The following SLC2A9 variants were observed in gnomAD, a reference collection of about 807,000 sequenced individuals.
The protein encoded by SLC2A9 is solute carrier family 2 member 9.
Under a neutral mutation model 50.6 loss-of-function variants are expected in SLC2A9, and 39 were observed. The observed-to-expected ratio is 0.77, with a 90% CI of 0.60 to 1.01. The LOEUF (loss-of-function observed/expected upper bound fraction) is 1.01, where lower values mean the gene tolerates loss of function less well. SLC2A9 is among the 50% of genes least tolerant of loss of function. The pLI, the probability that SLC2A9 is intolerant of heterozygous loss-of-function variation, is 0.00. For missense variants in SLC2A9, 686 were observed against 677.6 expected, an observed-to-expected ratio of 1.01 and a Z score of -0.14; for synonymous variants, 324 against 276.9, an observed-to-expected ratio of 1.17 and a Z score of -1.69.
chr4:9,988,040 G>T (rs770239444), intron 3 of SLC2A9, among the ~76,000 whole-genome samples: 1 of 152,236 alleles, frequency 6.6e-6, no homozygotes, highest in Non-Finnish European at 1.5e-5. Context: ...AATGACACCG[G>T]CTAATACTTG....
At chr4:9,837,486 T>C (rs749668883) in intron 10 of SLC2A9, among the ~76,000 whole-genome samples, 2 of 152,194 alleles carry the variant, frequency 1.3e-5, no homozygotes, top group African/African-American at 2.4e-5. Flanking sequence ...CCTAGGTGTG[T>C]TTTTGGAAGC....
At chr4:9,812,120 C>T (rs1435213994) in intron 3 of SLC2A9, among the ~76,000 whole-genome samples, 1 of 152,190 alleles carries the variant, frequency 6.6e-6, no homozygotes, top group Non-Finnish European at 1.5e-5. Context: ...TGTGTTATTA[C>T]ATGCAACTCG....
At chr4:9,955,192 AC>A (rs939913407) in intron 5 of SLC2A9, among the ~76,000 whole-genome samples, 11 of 151,992 alleles carry the variant, frequency 7.2e-5, no homozygotes, top group Non-Finnish European at 1.5e-4. Flanking sequence ...TGGAAGCATA[AC>A]ATATAAAACT....
At chr4:9,773,992 C>CTTTTT (rs34429694) in intron 1 of SLC2A9, among the ~76,000 whole-genome samples, 1 of 139,778 alleles carries the variant, frequency 7.2e-6, no homozygotes, top group Non-Finnish European at 1.5e-5. Flanking sequence ...GAAACTCAGT[C>CTTTTT]TTTTTTTTTT....
In SLC2A9 at chr4:9,949,045, C is replaced by T. The variant is rs570365962; in HGVS notation, c.682-7000G>A. Among the ~76,000 whole-genome samples, 184 of 152,332 alleles carry T rather than the reference C, an allele frequency of 1.2e-3. 3 individuals carry two copies. Among genetic ancestry groups the T allele is most frequent in the Non-Finnish European group, 3.8e-4 (26 of 68,026 alleles). ...GCTCCTAGGCCATTTTAGCAAGAACCCCTTTCTGCAGCACATCTATCTACT... is the reference window on the plus strand; with the variant it reads ...GCTCCTAGGCCATTTTAGCAAGAACTCCTTTCTGCAGCACATCTATCTACT... On this transcript the variant is annotated intron_variant, in intron 5 of 11. Coordinates refer to ENST00000264784, the MANE Select transcript of SLC2A9 (RefSeq NM_020041.3).
chr4:9,814,726 C>T (rs368781148), intron 3 of SLC2A9, among the ~76,000 whole-genome samples: 3 of 152,066 alleles, frequency 2.0e-5, no homozygotes, highest in South Asian at 4.1e-4. Context: ...CATGTGATGA[C>T]ATCAGCATTC....
At chr4:9,906,885 T>A (rs1004671619) in intron 8 of SLC2A9, among the ~76,000 whole-genome samples, 2 of 152,252 alleles carry the variant, frequency 1.3e-5, no homozygotes, top group Non-Finnish European at 2.9e-5. Context: ...GTTGAAATGT[T>A]TTCTTCTAAT....
intron 10 of SLC2A9, among the ~76,000 whole-genome samples, chr4:9,839,909 G>T (rs753986891): frequency 6.6e-6 from 1 of 152,014 alleles, no homozygotes; most frequent in Non-Finnish European, 1.5e-5. Context: ...GAAATAATCT[G>T]CATAACAAAC....
chr4:9,908,397 T>C, intron 7 of SLC2A9, 52 bp from the exon 8 acceptor site: 10 of 1,317,550 alleles, frequency 7.6e-6, no homozygotes, highest in South Asian at 1.2e-5. Context: ...AAGGACTTAA[T>C]CTATTTTCTA....
At chr4:9,838,221 T>A (rs938776146) in intron 10 of SLC2A9, among the ~76,000 whole-genome samples, 1 of 152,052 alleles carries the variant, frequency 6.6e-6, no homozygotes, top group African/African-American at 2.4e-5. Flanking sequence ...ATGAAGAAGA[T>A]GATGATGGTA....
chr4:9,883,621 C>T (rs11737821), intron 10 of SLC2A9, among the ~76,000 whole-genome samples: 69,546 of 152,100 alleles, frequency 0.46, 19,004 homozygotes, highest in Non-Finnish European at 0.62. Context: ...TGAGCAAGTG[C>T]GGCAAGGACT....
intron 3 of SLC2A9, among the ~76,000 whole-genome samples, chr4:9,987,754 G>A (rs968026344): frequency 1.6e-4 from 25 of 152,186 alleles, no homozygotes; most frequent in African/African-American, 5.3e-4. Flanking sequence ...CTTGAACCCA[G>A]GAGGCAGAGA....
At chr4:10,026,424 G>A (rs1382827534), upstream of SLC2A9, among the ~76,000 whole-genome samples, 1 of 152,182 alleles carries the variant, frequency 6.6e-6, no homozygotes, top group Non-Finnish European at 1.5e-5. Flanking sequence ...TAGTGGAAAT[G>A]TGAAATGGTT....
At chr4:10,025,905 A>G, upstream of SLC2A9, 1 of 1,613,698 alleles carries the variant, frequency 6.2e-7, no homozygotes. Flanking sequence ...AGGACTGACC[A>G]ATTTCTTTTT....
chr4:9,937,247 C>T (rs534349510), intron 6 of SLC2A9, among the ~76,000 whole-genome samples: 5 of 152,304 alleles, frequency 3.3e-5, no homozygotes, highest in Middle Eastern at 3.4e-3. Context: ...GGAACGACTT[C>T]GTGCTCTGAG....
Position 9,920,394 on chromosome 4 carries a change from GC to G in SLC2A9, c.992del (p.Gly331AlafsTer28). On this transcript the variant is annotated frameshift_variant, in exon 7 of 12. Transcript: ENST00000264784. LOFTEE classifies it high-confidence loss of function. ...IVTMACYQLC[G>X]LNAIWFYTNS... The stretch of plus-strand genomic sequence containing the variant: ...GGGCCCCAGGACTCACTGCATTGAG[GC>G]CACAGAGCTGGTAGCAGGCCATGGT... 6.2e-7 allele frequency: 1 copy of G among 1,614,094 alleles called. No individual in the cohort carries two copies. The highest frequency in any genetic ancestry group is 8.5e-7 in the Non-Finnish European group (1 of 1,180,016).
chr4:9,980,079 A>T (rs1755461413), intron 5 of SLC2A9, among the ~76,000 whole-genome samples: 1 of 152,168 alleles, frequency 6.6e-6, no homozygotes, highest in Non-Finnish European at 1.5e-5. Flanking sequence ...AAATCATCGA[A>T]CTGGGATTCA....
At chr4:9,801,955 C>A (rs1350435097) in intron 3 of SLC2A9, among the ~76,000 whole-genome samples, 2 of 152,172 alleles carry the variant, frequency 1.3e-5, no homozygotes, top group Non-Finnish European at 2.9e-5. Flanking sequence ...CAAGGGTGAG[C>A]AAAAGATGGA....
At chr4:9,958,546 C>T (rs576626348) in intron 5 of SLC2A9, among the ~76,000 whole-genome samples, 20 of 152,232 alleles carry the variant, frequency 1.3e-4, no homozygotes, top group African/African-American at 4.1e-4. Context: ...ATGTAGATCA[C>T]GGGTTGATAG....
Sources: gnomAD v4.1 joint callset for allele counts (sites outside exome capture counted in the v4.1 genomes callset) on GRCh38, gnomAD v4.1.1 for gene constraint, MANE v1.5 for transcripts, NCBI Gene and HGNC (gene_info 2026-07-23, HGNC 2026-07-21) for gene names.